PDE8B: variants seen among roughly 807,000 people sequenced by gnomAD.
The protein encoded by PDE8B is phosphodiesterase 8B.
A neutral mutation model predicts 101.3 loss-of-function variants in PDE8B; 26 were observed. That is an observed-to-expected ratio of 0.26 (90% CI 0.19 to 0.36). The LOEUF is 0.36. Ranked by LOEUF, PDE8B falls within the 10% of genes least tolerant of loss-of-function variation. The pLI is 1.00. For synonymous variants in PDE8B, 424 were observed against 429.3 expected (o/e 0.99, Z 0.15); for missense variants, 810 against 1,163.1 (o/e 0.70, Z 4.42).
At chr5:77,153,080 G>A in the PDE8B span, among the ~76,000 whole-genome samples, 1 of 152,224 alleles carries the variant, frequency 6.6e-6, no homozygotes, top group African/African-American at 2.4e-5. Context: ...TGGTGCTATG[G>A]GCATCTGGTG....
At chr5:77,233,059 A>G (rs1261168823) in intron 1 of PDE8B, among the ~76,000 whole-genome samples, 5 of 152,080 alleles carry the variant, frequency 3.3e-5, no homozygotes, top group South Asian at 2.1e-4. Flanking sequence ...TAGGGAAACC[A>G]TGATTTCACT....
intron 1 of PDE8B, among the ~76,000 whole-genome samples, chr5:77,278,095 C>A (rs763983075): frequency 2.0e-5 from 3 of 152,124 alleles, no homozygotes; most frequent in Non-Finnish European, 4.4e-5. Context: ...CTGGGACCAT[C>A]GCTGGGTCTT....
chr5:77,349,580 C>A, intron 8 of PDE8B, 21 bp downstream of exon 8: 4 of 1,613,838 alleles, frequency 2.5e-6, no homozygotes, highest in Non-Finnish European at 3.4e-6. Flanking sequence ...CCAGCAAAAC[C>A]AATCCACGAA....
the PDE8B span, among the ~76,000 whole-genome samples, chr5:77,138,256 A>G: frequency 4.6e-5 from 7 of 151,496 alleles, no homozygotes; most frequent in African/African-American, 1.5e-4. Flanking sequence ...AGCCACATGG[A>G]TGGTTTCTTG....
At chr5:77,160,525 T>G in the PDE8B span, among the ~76,000 whole-genome samples, 1 of 152,240 alleles carries the variant, frequency 6.6e-6, no homozygotes, top group Admixed American at 6.5e-5. Flanking sequence ...TAATTTGTAT[T>G]TCCTTGATTT....
the PDE8B span, among the ~76,000 whole-genome samples, chr5:77,184,458 G>A: frequency 2.0e-5 from 3 of 152,146 alleles, no homozygotes; most frequent in Non-Finnish European, 4.4e-5. Context: ...TTTTCCAACC[G>A]TAAGGGTCTG....
intron 1 of PDE8B, among the ~76,000 whole-genome samples, chr5:77,229,115 A>C (rs1309629167): frequency 6.6e-6 from 1 of 152,188 alleles, no homozygotes; most frequent in Non-Finnish European, 1.5e-5. Context: ...GTGGCTGATG[A>C]TAGGAGAGCC....
At chr5:77,410,200 G>A (rs1794269015) in intron 14 of PDE8B, among the ~76,000 whole-genome samples, 2 of 152,370 alleles carry the variant, frequency 1.3e-5, no homozygotes, top group South Asian at 2.1e-4. Context: ...GTACTGCAGT[G>A]GCAGAGGGAC....
At chr5:77,281,801 G>A (rs1415594598) in intron 1 of PDE8B, among the ~76,000 whole-genome samples, 2 of 152,086 alleles carry the variant, frequency 1.3e-5, no homozygotes, top group African/African-American at 2.4e-5. Flanking sequence ...AGCCTACCAC[G>A]ACAATGCTTG....
the PDE8B span, chr5:77,106,276 T>A: frequency 6.6e-6 from 1 of 152,264 alleles, no homozygotes; most frequent in African/African-American, 2.4e-5. Context: ...CTAGGTTTTC[T>A]TCTAGGAGTT....
the PDE8B span, among the ~76,000 whole-genome samples, chr5:77,138,785 T>A: frequency 2.6e-5 from 4 of 152,188 alleles, no homozygotes; most frequent in African/African-American, 7.2e-5. Context: ...TAAAACACTA[T>A]GTAAAGATAC....
chr5:77,159,535 T>C, the PDE8B span, among the ~76,000 whole-genome samples: 1 of 152,184 alleles, frequency 6.6e-6, no homozygotes, highest in African/African-American at 2.4e-5. Context: ...ACAGACAACC[T>C]ACTGTGGGAC....
the PDE8B span, among the ~76,000 whole-genome samples, chr5:77,166,021 G>T: frequency 6.7e-6 from 1 of 149,492 alleles, no homozygotes; most frequent in Non-Finnish European, 1.5e-5. Context: ...AAAGATAAGA[G>T]CTTGGATTAT....
rs945248536 is a variant in PDE8B, at chr5:77,232,704, G to T, written c.339+21440G>T. On this transcript the variant is annotated intron_variant, in intron 1 of 21. Transcript: ENST00000264917. The stretch of plus-strand genomic sequence containing the variant: ...GTCTGAGTAAAAGGCTGAGATGAAG[G>T]TCTGTGTCTCTGGATACCCGTGGGG... 2.6e-5 allele frequency among the ~76,000 whole-genome samples: 4 copies of T among 152,178 alleles called. No individual in the cohort carries two copies. The East Asian group carries it at 7.7e-4, about 29-fold the overall frequency.
At chr5:77,255,352 C>T (rs74527770) in intron 1 of PDE8B, among the ~76,000 whole-genome samples, 3,288 of 152,292 alleles carry the variant, frequency 0.022, 55 homozygotes, top group Non-Finnish European at 0.034. Flanking sequence ...GCTTCATAGG[C>T]ATGCCACCAA....
intron 1 of PDE8B, among the ~76,000 whole-genome samples, chr5:77,237,546 T>G (rs1754946931): frequency 6.6e-6 from 1 of 152,262 alleles, no homozygotes; most frequent in East Asian, 1.9e-4. Context: ...TCTTCATAGT[T>G]ATTTTATATA....
In PDE8B at chr5:77,348,043, C is replaced by G. The variant is rs73764804; in HGVS notation, c.877-1376C>G. 9.2e-3 allele frequency among the ~76,000 whole-genome samples: 1,399 copies of G among 152,172 alleles called. 24 individuals are homozygous for G. Among genetic ancestry groups the G allele is most frequent in the African/African-American group, 0.032 (1,327 of 41,500 alleles). On this transcript the variant is annotated intron_variant, in intron 7 of 21. Transcript: ENST00000264917. ...TCAGGCCTCCTTCTCTTCAGTCACC[C>G]ACCAAAGGCCTGATGACCAGAGCAT...
intron 10 of PDE8B, among the ~76,000 whole-genome samples, chr5:77,394,881 G>C (rs1439688194): frequency 6.6e-6 from 1 of 152,142 alleles, no homozygotes; most frequent in East Asian, 1.9e-4. Context: ...TGGGCACTTT[G>C]GTCAATGTGT....
chr5:77,332,837 CAAAAA>C (rs35330679), intron 5 of PDE8B, among the ~76,000 whole-genome samples: 5 of 108,966 alleles, frequency 4.6e-5, no homozygotes, highest in Non-Finnish European at 3.9e-5. Flanking sequence ...AACTCCGTCT[CAAAAA>C]AAAAAAAAAA....
Sources: allele counts gnomAD v4.1 joint callset (sites outside exome capture counted in the v4.1 genomes callset), GRCh38; gene constraint gnomAD v4.1.1; transcripts MANE v1.5; gene names NCBI Gene and HGNC (gene_info 2026-07-23, HGNC 2026-07-21).